Variants in KIAA0513 observed in about 807,000 individuals in gnomAD.
KIAA0513 encodes the protein KIAA0513.
Under a neutral mutation model 56.5 loss-of-function variants are expected in KIAA0513, and 39 were observed. The observed-to-expected ratio is 0.69, with a 90% CI of 0.53 to 0.90. The LOEUF (loss-of-function observed/expected upper bound fraction) is 0.90, where lower values mean the gene tolerates loss of function less well. KIAA0513 is among the 40% of genes least tolerant of loss of function. KIAA0513 has a pLI of 0.00. For synonymous variants in KIAA0513, 268 were observed against 215.6 expected, an observed-to-expected ratio of 1.24 and a Z score of -2.13; for missense variants, 591 against 535.2, an observed-to-expected ratio of 1.10 and a Z score of -1.03.
chr16:85,061,402 GCCCGGTCTCTT>G (rs1330050322), intron 1 of KIAA0513, among the ~76,000 whole-genome samples: 2 of 152,168 alleles, frequency 1.3e-5, no homozygotes, highest in African/African-American at 2.4e-5. Context: ...CGGGTTCCTT[GCCCGGTCTCTT>G]CCTGGCCTCT....
In KIAA0513 at chr16:85,081,217, A is replaced by G; in HGVS notation, c.903-98A>G. ...TGAGACTTCTTAGAAGCTCAGACAGATGTGAGACACTGCCCTTGTTTATCC... is the reference window on the plus strand; with the variant it reads ...TGAGACTTCTTAGAAGCTCAGACAGGTGTGAGACACTGCCCTTGTTTATCC... On this transcript the variant is annotated intron_variant, in intron 8 of 12. Coordinates refer to ENST00000683363, the MANE Select transcript of KIAA0513 (RefSeq NM_001388359.1). The surrounding 1 kb of genome is among the most constrained non-coding windows in gnomAD (Gnocchi z 4.4). 1 of 1,052,776 alleles carries G rather than the reference A, an allele frequency of 9.5e-7. No individual in the cohort carries two copies. Among genetic ancestry groups the G allele is most frequent in the Non-Finnish European group, 1.5e-6 (1 of 674,356 alleles). The allele number at this position is 1,052,776 out of a possible 1,614,324, so 65.2% of individuals were successfully genotyped here. A position where few individuals can be genotyped will look rare whatever the true frequency, so the allele number is the denominator to read the frequency against.
intron 1 of KIAA0513, among the ~76,000 whole-genome samples, chr16:85,051,821 G>GTT (rs573419828): frequency 2.8e-5 from 4 of 141,714 alleles, no homozygotes; most frequent in South Asian, 2.3e-4. Context: ...TCCCTCTCAT[G>GTT]TTTTTTTTTT....
chr16:85,085,993 G>A (rs2073803327), intron 10 of KIAA0513, among the ~76,000 whole-genome samples: 1 of 152,202 alleles, frequency 6.6e-6, no homozygotes, highest in South Asian at 2.1e-4. Context: ...GTTATTTAGG[G>A]AGGGGACTAG....
chr16:85,073,549 G>A (rs997245211), intron 4 of KIAA0513, among the ~76,000 whole-genome samples: 1 of 152,200 alleles, frequency 6.6e-6, no homozygotes, highest in Non-Finnish European at 1.5e-5. Flanking sequence ...GCTCACCTGT[G>A]AGATTAGGGA....
chr16:85,087,248 C>G, intron 12 of KIAA0513, 82 bp downstream of exon 12: 2 of 1,104,040 alleles, frequency 1.8e-6, no homozygotes, highest in Non-Finnish European at 2.8e-6. Flanking sequence ...CGCTTCTGCA[C>G]TGCCAGAAGG....
intron 1 of KIAA0513, among the ~76,000 whole-genome samples, chr16:85,040,423 G>A (rs1371854909): frequency 2.0e-5 from 3 of 152,052 alleles, no homozygotes; most frequent in African/African-American, 7.2e-5. Flanking sequence ...CCAACTACTC[G>A]GGAGGCTGAG....
chr16:85,081,683 C>T lies in KIAA0513; in HGVS notation c.980+291C>T, dbSNP rs190971495. ...GACCATCAGGACCCCTGCTGCTGGG[C>T]CCACCCTGCTGTTTGCTGGACAAAA... On this transcript the variant is annotated intron_variant, in intron 9 of 12. Transcript: ENST00000683363. This position sits in a 1 kb window ranked among gnomAD's most constrained non-coding sequence, Gnocchi z 4.4. 1.3e-5 allele frequency among the ~76,000 whole-genome samples: 2 copies of T among 152,310 alleles called. No homozygotes were observed. The highest frequency in any genetic ancestry group is 3.9e-4 in the East Asian group (2 of 5,174).
intron 1 of KIAA0513, among the ~76,000 whole-genome samples, chr16:85,055,637 G>C (rs972019609): frequency 6.6e-6 from 1 of 152,156 alleles, no homozygotes; most frequent in African/African-American, 2.4e-5. Context: ...GCAGAGTGTC[G>C]TGTTGGTAGC....
chr16:85,056,234 C>T (rs1448833414), intron 1 of KIAA0513, among the ~76,000 whole-genome samples: 1 of 152,222 alleles, frequency 6.6e-6, no homozygotes, highest in Non-Finnish European at 1.5e-5. Flanking sequence ...GCCATAGGAG[C>T]CATGCCTTCC....
intron 1 of KIAA0513, among the ~76,000 whole-genome samples, chr16:85,056,364 G>A (rs1009390302): frequency 6.6e-6 from 1 of 152,200 alleles, no homozygotes; most frequent in African/African-American, 2.4e-5. Flanking sequence ...TTAGGTTCAG[G>A]AGAAGCCCGT....
intron 1 of KIAA0513, among the ~76,000 whole-genome samples, chr16:85,035,186 TG>T (rs2073018810): frequency 6.6e-6 from 1 of 152,200 alleles, no homozygotes; most frequent in South Asian, 2.1e-4. Flanking sequence ...CCCCATTCCG[TG>T]GCAGGCACTT....
chr16:85,093,506 T>A lies in KIAA0513; in HGVS notation c.*5181T>A, dbSNP rs1206305448. 1 of 152,608 alleles carries A rather than the reference T, an allele frequency of 6.6e-6. No homozygotes were observed. Among genetic ancestry groups the A allele is most frequent in the Admixed American group, 6.5e-5 (1 of 15,286 alleles). The allele number at this position is 152,608 out of a possible 1,614,324, so 9.5% of individuals were successfully genotyped here. A position where few individuals can be genotyped will look rare whatever the true frequency, so the allele number is the denominator to read the frequency against. Reference sequence around the variant, plus strand: ...CAGCGCTATAAGGGACTTTGCACTTTAAAAAGGGGATGCCTGTCAGTAAAT... The same window carrying A: ...CAGCGCTATAAGGGACTTTGCACTTAAAAAAGGGGATGCCTGTCAGTAAAT... On this transcript the variant is annotated 3_prime_UTR_variant, in exon 13 of 13. Transcript: ENST00000683363.
intron 1 of KIAA0513, among the ~76,000 whole-genome samples, chr16:85,062,965 C>T (rs1260845250): frequency 6.6e-6 from 1 of 152,148 alleles, no homozygotes; most frequent in Non-Finnish European, 1.5e-5. Flanking sequence ...ACAGTCACTG[C>T]TGTGACATCT....
rs1252872916 is a variant in KIAA0513 at position 85,076,917 on chromosome 16, A to G, written c.575-508A>G. Among the ~76,000 whole-genome samples the G allele has an allele frequency of 6.6e-6, 1 of 152,204 alleles. No homozygotes were observed. The highest frequency in any genetic ancestry group is 1.5e-5 in the Non-Finnish European group (1 of 68,016). ...GACCTGCAGAGGGCCTTTGACCTATAGTGGGCACTGAGGCCCGTGGGGGTG... is the reference window on the plus strand; with the variant it reads ...GACCTGCAGAGGGCCTTTGACCTATGGTGGGCACTGAGGCCCGTGGGGGTG... On this transcript the variant is annotated intron_variant, in intron 5 of 12. Transcript: ENST00000683363. This position sits in a 1 kb window ranked among gnomAD's most constrained non-coding sequence, Gnocchi z 4.7.
chr16:85,072,340 C>T (rs531163102), intron 3 of KIAA0513, among the ~76,000 whole-genome samples: 330 of 152,106 alleles, frequency 2.2e-3, no homozygotes, highest in African/African-American at 7.2e-3. Context: ...GAATTATGTG[C>T]GTGCATATTT....
chr16:85,043,011 T>G (rs1222109132), intron 1 of KIAA0513, among the ~76,000 whole-genome samples: 3 of 152,230 alleles, frequency 2.0e-5, no homozygotes, highest in African/African-American at 7.2e-5. Context: ...ACATCTTTAT[T>G]TTTAACAACT....
chr16:85,033,528 A>G (rs1290549913), intron 1 of KIAA0513, among the ~76,000 whole-genome samples: 1 of 152,230 alleles, frequency 6.6e-6, no homozygotes, highest in Non-Finnish European at 1.5e-5. Context: ...TGGCGTATGT[A>G]GAAGCCTCCT....
chr16:85,056,623 G>A (rs16975162), intron 1 of KIAA0513, among the ~76,000 whole-genome samples: 37,388 of 151,964 alleles, frequency 0.25, 4,737 homozygotes, highest in South Asian at 0.33. Flanking sequence ...GCATTCCTCC[G>A]GGCCGCGCTC....
intron 1 of KIAA0513, among the ~76,000 whole-genome samples, chr16:85,035,356 GT>G (rs2073020978): frequency 6.6e-6 from 1 of 152,200 alleles, no homozygotes; most frequent in Non-Finnish European, 1.5e-5. Flanking sequence ...GCAGCTGGTG[GT>G]TTAGGAAGCC....
Sources: gnomAD v4.1 joint callset for allele counts (sites outside exome capture counted in the v4.1 genomes callset) on GRCh38, gnomAD v4.1.1 for gene constraint, Gnocchi (gnomAD v3.1) non-coding constraint, MANE v1.5 for transcripts, NCBI Gene and HGNC (gene_info 2026-07-23, HGNC 2026-07-21) for gene names.